The following CDH23 variants were observed in gnomAD, a reference collection of about 807,000 sequenced individuals.
CDH23 encodes cadherin related 23.
Under a neutral mutation model 317.1 loss-of-function variants are expected in CDH23, and 189 were observed. That is an observed-to-expected ratio of 0.60 (90% CI 0.53 to 0.67). The LOEUF is 0.67. Among genes scored for constraint, CDH23 ranks in the 30% least tolerant of loss-of-function variants. CDH23 has a pLI of 0.00. For synonymous variants in CDH23, 1,839 were observed against 1,876.8 expected (o/e 0.98, Z 0.52); for missense variants, 4,401 against 4,592.4 (o/e 0.96, Z 1.20).
chr10:71,399,316 A>G (rs1847677514), intron 1 of CDH23, among the ~76,000 whole-genome samples: 1 of 152,208 alleles, frequency 6.6e-6, no homozygotes, highest in East Asian at 1.9e-4. Context: ...GCATTTGGTA[A>G]GATCCTTGGG....
intron 6 of CDH23, among the ~76,000 whole-genome samples, chr10:71,538,550 A>T (rs563540769): frequency 1.3e-5 from 2 of 151,600 alleles, no homozygotes; most frequent in South Asian, 4.2e-4. Flanking sequence ...TGTCCAACAT[A>T]TTTTTTTTTC....
intron 6 of CDH23, among the ~76,000 whole-genome samples, chr10:71,521,093 T>C (rs911504156): frequency 1.3e-5 from 2 of 152,014 alleles, no homozygotes; most frequent in Admixed American, 1.3e-4. Context: ...TGTCCATCTA[T>C]TAAAAAGCCC....
intron 11 of CDH23, among the ~76,000 whole-genome samples, chr10:71,636,290 C>T (rs185927391): frequency 1.1e-4 from 17 of 152,138 alleles, no homozygotes; most frequent in African/African-American, 2.9e-4. Context: ...GAAGCCGAGG[C>T]GGGAGGATGG....
chr10:71,795,369 A>G (rs1841370839), intron 48 of CDH23, among the ~76,000 whole-genome samples: 1 of 152,152 alleles, frequency 6.6e-6, no homozygotes, highest in South Asian at 2.1e-4. Flanking sequence ...AGAACCAGCT[A>G]CATCCCAGGT....
chr10:71,443,019 A>T (rs1209874351), intron 2 of CDH23, among the ~76,000 whole-genome samples: 3 of 152,176 alleles, frequency 2.0e-5, no homozygotes, highest in African/African-American at 7.2e-5. Flanking sequence ...GAGCATGCAA[A>T]GTCCCTGACT....
At chr10:71,755,356 C>T in intron 38 of CDH23, 1 of 1,603,116 alleles carries the variant, frequency 6.2e-7, no homozygotes, top group Non-Finnish European at 8.5e-7. Context: ...GAGGAATACT[C>T]ACGGCGGTTG....
chr10:71,719,430 C>T (rs1293448584), intron 28 of CDH23, among the ~76,000 whole-genome samples: 2 of 152,216 alleles, frequency 1.3e-5, no homozygotes, highest in African/African-American at 2.4e-5. Flanking sequence ...CAGAGCAGGA[C>T]CTGCTGTGGG....
At chr10:71,539,481 C>T (rs1855875837) in intron 6 of CDH23, among the ~76,000 whole-genome samples, 1 of 151,984 alleles carries the variant, frequency 6.6e-6, no homozygotes, top group African/African-American at 2.4e-5. Context: ...TCTTTCTCTG[C>T]TTGTGGCTTT....
At chr10:71,483,213 A>G (rs1249392400) in intron 3 of CDH23, among the ~76,000 whole-genome samples, 3 of 152,222 alleles carry the variant, frequency 2.0e-5, no homozygotes, top group East Asian at 3.9e-4. Context: ...CCACCCCAGC[A>G]TAACTGTGCA....
chr10:71,812,124 G>A lies in CDH23; in HGVS notation c.9380+109G>A, dbSNP rs11000014. The A allele has an allele frequency of 0.097, 155,380 of 1,602,982 alleles. 9,876 individuals carry two copies. Among genetic ancestry groups the A allele is most frequent in the East Asian group, 0.3 (13,307 of 44,548 alleles). On this transcript the variant is annotated intron_variant, in intron 66 of 69. Transcript: ENST00000224721. The stretch of plus-strand genomic sequence containing the variant: ...TGGGGCTGCCGAAACCCAGGCTGTG[G>A]GCGCCCCCTGGTGGGCGGGCCACCC...
At chr10:71,410,927 T>G (rs982142682) in intron 1 of CDH23, among the ~76,000 whole-genome samples, 2 of 152,234 alleles carry the variant, frequency 1.3e-5, no homozygotes, top group Non-Finnish European at 2.9e-5. Flanking sequence ...CAAAAGAGGC[T>G]GTTAAGAACA....
intron 6 of CDH23, among the ~76,000 whole-genome samples, chr10:71,515,890 T>G (rs1298444860): frequency 1.3e-5 from 2 of 152,252 alleles, no homozygotes; most frequent in African/African-American, 2.4e-5. Context: ...CTAAATGTAT[T>G]AAATGCCATG....
chr10:71,523,385 A>G (rs1051323178), intron 6 of CDH23, among the ~76,000 whole-genome samples: 1 of 152,182 alleles, frequency 6.6e-6, no homozygotes, highest in African/African-American at 2.4e-5. Flanking sequence ...CCCCCAAACC[A>G]CCAGATCCCT....
chr10:71,484,287 G>A (rs957273981), intron 3 of CDH23, among the ~76,000 whole-genome samples: 2 of 152,186 alleles, frequency 1.3e-5, no homozygotes, highest in Admixed American at 6.5e-5. Flanking sequence ...ACGCAGATAA[G>A]CAGACAGGGC....
chr10:71,803,005 C>T lies in CDH23; in HGVS notation c.7590C>T (p.Thr2530=), dbSNP rs748384994. Residue 2530 remains threonine, a synonymous_variant, in exon 54 of 70, where the codon ACC becomes ACT. Coordinates refer to ENST00000224721, the MANE Select transcript of CDH23 (RefSeq NM_022124.6). ...ENEPAGTSVI[T]MMATDQDEGP... is the part of the protein sequence containing the mutation. ...AGCCGGCGGGCACCTCGGTCATCAC[C>T]ATGATGGCCACTGACCAGGATGAAG... 1 of 1,613,828 alleles carries T rather than the reference C, an allele frequency of 6.2e-7. No individual in the cohort carries two copies. The highest frequency in any genetic ancestry group is 8.5e-7 in the Non-Finnish European group (1 of 1,179,882).
In CDH23 at chr10:71,490,800, G is replaced by A. The variant is rs147533934; in HGVS notation, c.146-19282G>A. Among the ~76,000 whole-genome samples the A allele has an allele frequency of 1.6e-3, 250 of 152,314 alleles. 1 individual carries two copies. Among genetic ancestry groups the A allele is most frequent in the African/African-American group, 5.8e-3 (240 of 41,572 alleles). On this transcript the variant is annotated intron_variant, in intron 3 of 69. Transcript: ENST00000224721. Reference sequence around the variant, plus strand: ...ACAACAAGCTTGTGTAGTAGATACTGTTATTATTCCCATTTTACAGATGAG... The same window carrying A: ...ACAACAAGCTTGTGTAGTAGATACTATTATTATTCCCATTTTACAGATGAG...
chr10:71,517,320 G>A (rs1854387534), intron 6 of CDH23, among the ~76,000 whole-genome samples: 1 of 152,200 alleles, frequency 6.6e-6, no homozygotes, highest in Admixed American at 6.5e-5. Context: ...CTTGCCCTCT[G>A]CTGGTGCCCA....
chr10:71,796,051 G>A (rs1371523993), intron 48 of CDH23: 6 of 978,814 alleles, frequency 6.1e-6, no homozygotes, highest in Non-Finnish European at 7.3e-6. Context: ...AGGAAGAGGA[G>A]GAGGAGGAGG....
At chr10:71,524,762 G>T (rs1392982085) in intron 6 of CDH23, among the ~76,000 whole-genome samples, 1 of 152,148 alleles carries the variant, frequency 6.6e-6, no homozygotes, top group Non-Finnish European at 1.5e-5. Context: ...TGGGATCTGA[G>T]GTTGTTATGT....
Sources: gnomAD v4.1 joint callset for allele counts (sites outside exome capture counted in the v4.1 genomes callset) on GRCh38, gnomAD v4.1.1 for gene constraint, MANE v1.5 for transcripts, NCBI Gene and HGNC (gene_info 2026-07-23, HGNC 2026-07-21) for gene names.